The following C1orf146 variants were observed in gnomAD, a reference collection of about 807,000 sequenced individuals.
C1orf146 encodes protein SPO16 homolog.
A neutral mutation model predicts 23.0 loss-of-function variants in C1orf146; 22 were observed. That is an observed-to-expected ratio of 0.96 (90% CI 0.68 to 1.36). The LOEUF is 1.36. C1orf146 is among the 40% of genes most tolerant of loss of function. The pLI, the probability that C1orf146 is intolerant of heterozygous loss-of-function variation, is 0.00. For synonymous variants in C1orf146, 59 were observed against 65.3 expected (o/e 0.90, Z 0.47); for missense variants, 199 against 206.8 (o/e 0.96, Z 0.23).
chr1:92,242,328 C>T (rs1470731720), intron 3 of C1orf146, 23 bp downstream of exon 3: 1 of 1,188,368 alleles, frequency 8.4e-7, no homozygotes. Flanking sequence ...TGCTCACTGC[C>T]TTAAGTTTCT....
At chr1:92,239,816 C>T (rs1472250956) in intron 2 of C1orf146, among the ~76,000 whole-genome samples, 1 of 151,964 alleles carries the variant, frequency 6.6e-6, no homozygotes, top group African/African-American at 2.4e-5. Flanking sequence ...CCAAATATTG[C>T]ATAGGTCATA....
intron 1 of C1orf146, among the ~76,000 whole-genome samples, chr1:92,225,662 AT>A (rs1651948349): frequency 6.6e-6 from 1 of 151,818 alleles, no homozygotes; most frequent in African/African-American, 2.4e-5. Context: ...TGTTTCATGT[AT>A]TTTGGAGGTC....
At chr1:92,234,619 G>C (rs1193215428) in intron 2 of C1orf146, among the ~76,000 whole-genome samples, 1 of 152,200 alleles carries the variant, frequency 6.6e-6, no homozygotes, top group African/African-American at 2.4e-5. Flanking sequence ...GATGATGCTG[G>C]CCTCATAAAA....
Position 92,242,110 on chromosome 1 carries a change from T to TAG in C1orf146, c.67-102_67-101insAG, listed in dbSNP as rs921054339. 9.3e-6 allele frequency: 5 copies of TAG among 538,366 alleles called. No individual in the cohort carries two copies. In the Admixed American group the frequency reaches 1.4e-4, roughly 15 times the overall value. 33.3% of individuals were successfully genotyped at this position (538,366 alleles called of 1,614,324 possible). On this transcript the variant is annotated intron_variant, in intron 2 of 5. Transcript: ENST00000370375. ...ATCTTTTGATGATCATATCTTTAAG[T>TAG]GGTAGTTATAAAACAACATATTAAA...
intron 2 of C1orf146, among the ~76,000 whole-genome samples, chr1:92,235,723 CATT>C (rs1457738876): frequency 6.6e-6 from 1 of 152,054 alleles, no homozygotes; most frequent in East Asian, 1.9e-4. Flanking sequence ...TAAAGTCTCC[CATT>C]ATTAGTGTGT....
At chr1:92,229,755 A>G (rs1437300106) in intron 1 of C1orf146, among the ~76,000 whole-genome samples, 1 of 152,172 alleles carries the variant, frequency 6.6e-6, no homozygotes, top group Non-Finnish European at 1.5e-5. Flanking sequence ...GACAAGTCAC[A>G]AACAGGTAGA....
chr1:92,227,515 G>C (rs1651997690), intron 1 of C1orf146, among the ~76,000 whole-genome samples: 1 of 151,996 alleles, frequency 6.6e-6, no homozygotes, highest in African/African-American at 2.4e-5. Context: ...CTCCAGCCTG[G>C]GTGACAGAGC....
At chr1:92,240,959 C>A in intron 2 of C1orf146, 1 of 458,160 alleles carries the variant, frequency 2.2e-6, no homozygotes, top group East Asian at 7.5e-5. Context: ...ACCAAGAGTC[C>A]TATAGCTGTT....
intron 2 of C1orf146, among the ~76,000 whole-genome samples, chr1:92,231,867 C>G (rs987779576): frequency 6.6e-6 from 1 of 152,052 alleles, no homozygotes; most frequent in Non-Finnish European, 1.5e-5. Flanking sequence ...GAGACTGTCT[C>G]CTTATGGTTT....
rs17131614 is a variant in C1orf146, at chr1:92,244,482, C to A, written c.329+97C>A. On this transcript the variant is annotated intron_variant, in intron 4 of 5. Transcript: ENST00000370375. ...AAGTTTTGTTTTGCTAGATGATGAACACTGTGATGTTAACCTATCAAATTT... is the reference window on the plus strand; with the variant it reads ...AAGTTTTGTTTTGCTAGATGATGAAAACTGTGATGTTAACCTATCAAATTT... 0.012 allele frequency: 10,870 copies of A among 904,898 alleles called. 810 individuals carry two copies. The African/African-American group carries it at 0.16, about 14-fold the overall frequency. The allele number at this position is 904,898 out of a possible 1,614,324, so 56.1% of individuals were successfully genotyped here.
rs1570795497 is a variant in C1orf146, at chr1:92,237,134, T to C, written c.67-5078T>C. On this transcript the variant is annotated intron_variant, in intron 2 of 5. Coordinates refer to ENST00000370375, the MANE Select transcript of C1orf146 (RefSeq NM_001012425.2). ...TAAAGTCATTCTCTGTCCAGCTTTG[T>C]TCCATTGCTGGTGAGGAACTGTGAT... Among the ~76,000 whole-genome samples the C allele has an allele frequency of 2.0e-5, 3 of 152,252 alleles. No homozygotes were observed. In the South Asian group the frequency reaches 6.2e-4, roughly 32 times the overall value.
Position 92,231,432 on chromosome 1 carries a change from T to A in C1orf146, c.12T>A (p.Ser4Arg), listed in dbSNP as rs145681037. 284 of 1,610,614 alleles carry A rather than the reference T, an allele frequency of 1.8e-4. 2 individuals carry two copies. The highest frequency in any genetic ancestry group is 1.5e-3 in the Middle Eastern group (9 of 6,052). The part of the protein sequence containing the change: MAE[S>R]GKEKIKWTTT... ...TGATCCACAGACAGATGGCTGAAAG[T>A]GGAAAAGAAAAAATAAAATGGACAA... The change falls in exon 2 of 6, where the codon AGT becomes AGA. Residue 4 changes from serine (S) to arginine (R), a missense_variant. Physicochemically the swap from Ser to Arg is moderately radical, Grantham distance 110 (BLOSUM62 -1). Coordinates refer to ENST00000370375, the MANE Select transcript of C1orf146 (RefSeq NM_001012425.2).
In C1orf146 at chr1:92,244,336, G is replaced by A. The variant is rs1395883219; in HGVS notation, c.280G>A (p.Ala94Thr). 6.2e-7 allele frequency: 1 copy of A among 1,613,074 alleles called. No homozygotes were observed. The highest frequency in any genetic ancestry group is 2.2e-5 in the East Asian group (1 of 44,860). ...AAATAGTTTTTTGGTTTTGTCTGCT[G>A]CCCTCCATGGGCCTGAAGAATGGAA... The part of the protein sequence containing the change: ...HQNSFLVLSA[A>T]LHGPEEWKLM... The change falls in exon 4 of 6, where the codon GCC (alanine) becomes ACC (threonine). Residue 94 changes from alanine (A) to threonine (T), a missense_variant. By Grantham distance (58) the Ala-to-Thr change is moderately conservative. Transcript: ENST00000370375.
chr1:92,243,273 G>C (rs1652474254), intron 3 of C1orf146, among the ~76,000 whole-genome samples: 1 of 152,160 alleles, frequency 6.6e-6, no homozygotes, highest in Non-Finnish European at 1.5e-5. Context: ...TTTCCCTTTA[G>C]GACCATTCTT....
At chr1:92,220,023 G>T (rs1267853414) in intron 1 of C1orf146, among the ~76,000 whole-genome samples, 1 of 152,090 alleles carries the variant, frequency 6.6e-6, no homozygotes. Flanking sequence ...AGCTCTTTCA[G>T]TTGGTTCCTG....
At chr1:92,219,494 T>C (rs1451407182) in intron 1 of C1orf146, among the ~76,000 whole-genome samples, 2 of 109,732 alleles carry the variant, frequency 1.8e-5, no homozygotes, top group Non-Finnish European at 3.5e-5. Context: ...GACTTTCTCT[T>C]TCTTTTTTTT....
At chr1:92,237,790 G>A (rs918214413) in intron 2 of C1orf146, among the ~76,000 whole-genome samples, 13 of 152,108 alleles carry the variant, frequency 8.5e-5, no homozygotes, top group Non-Finnish European at 4.4e-5. Context: ...GTGTTAAGTT[G>A]AACTTTATGA....
intron 1 of C1orf146, among the ~76,000 whole-genome samples, chr1:92,226,432 CTT>C (rs1324628427): frequency 6.6e-6 from 1 of 151,904 alleles, no homozygotes; most frequent in Non-Finnish European, 1.5e-5. Context: ...CACACACACA[CTT>C]GACCCAATAA....
intron 1 of C1orf146, among the ~76,000 whole-genome samples, chr1:92,219,505 T>TC (rs1347386506): frequency 7.6e-6 from 1 of 132,262 alleles, no homozygotes; most frequent in Non-Finnish European, 1.6e-5. Flanking sequence ...TCTTTTTTTT[T>TC]TTTTTTTTTT....
Sources: allele counts gnomAD v4.1 joint callset (sites outside exome capture counted in the v4.1 genomes callset), GRCh38; gene constraint gnomAD v4.1.1; transcripts MANE v1.5; gene names NCBI Gene and HGNC (gene_info 2026-07-23, HGNC 2026-07-21).